Variants in LMO7 observed in about 807,000 individuals in gnomAD.
LMO7 encodes LIM domain only protein 7.
LMO7 carries 120 observed loss-of-function variants against 206.5 expected under a neutral mutation model. That is an observed-to-expected ratio of 0.58 (90% CI 0.50 to 0.68). LMO7 has a LOEUF of 0.68. Ranked by LOEUF, LMO7 falls within the 30% of genes least tolerant of loss-of-function variation. The probability of loss-of-function intolerance (pLI) is 0.00; values close to 1 mark genes in which losing one functional copy is unlikely to be tolerated. For synonymous variants in LMO7, 706 were observed against 681.5 expected (o/e 1.04, Z -0.56); for missense variants, 1,959 against 1,957.9 (o/e 1.00, Z -0.01).
chr13:75,706,218 G>A (rs1287741297), intron 1 of LMO7, among the ~76,000 whole-genome samples: 1 of 152,170 alleles, frequency 6.6e-6, no homozygotes, highest in East Asian at 1.9e-4. Context: ...TAATTCCAGT[G>A]CCCCTACTTG....
chr13:75,627,877 G>A (rs1386571001), intron 2 of LMO7: 2 of 151,576 alleles, frequency 1.3e-5, no homozygotes, highest in Admixed American at 6.6e-5. Context: ...ATTCTAGCTA[G>A]AATGGGGGAC....
In LMO7 at chr13:75,823,693, G is replaced by A. The variant is rs771392071; in HGVS notation, c.2769G>A (p.Glu923=). The A allele has an allele frequency of 6.2e-7, 1 of 1,614,164 alleles. No homozygotes were observed. Among genetic ancestry groups the A allele is most frequent in the Non-Finnish European group, 8.5e-7 (1 of 1,180,028 alleles). Residue 923 remains glutamate (E), a synonymous_variant, in exon 15 of 31, where the codon GAG becomes GAA. Coordinates refer to ENST00000377534, the MANE Select transcript of LMO7 (RefSeq NM_001306080.2). ...CTTCAAGCTTATCTAGCCAGAAAGA[G>A]GTAGCAGCAACAGAAGAAGATGTGA... The part of the protein sequence containing the change: ...QLASSLSSQK[E]VAATEEDVTR...
At chr13:75,838,262 T>C (rs1458865121) in intron 20 of LMO7, 66 bp downstream of exon 20, 23 of 1,512,048 alleles carry the variant, frequency 1.5e-5, no homozygotes, top group Non-Finnish European at 2.1e-5. Flanking sequence ...CTCTTCCTCA[T>C]GGTCTGTGGT....
intron 4 of LMO7, among the ~76,000 whole-genome samples, chr13:75,782,987 G>C (rs946924156): frequency 6.6e-6 from 1 of 152,040 alleles, no homozygotes; most frequent in African/African-American, 2.4e-5. Context: ...TGGGGAGTGG[G>C]GTCATTATTC....
At chr13:75,627,146 C>A (rs371087272) in intron 2 of LMO7, 1 of 152,118 alleles carries the variant, frequency 6.6e-6, no homozygotes, top group Non-Finnish European at 1.5e-5. Context: ...CTCCAACTTA[C>A]GATTTTTTGA....
chr13:75,693,096 A>G (rs1035116433), intron 1 of LMO7, among the ~76,000 whole-genome samples: 5 of 152,194 alleles, frequency 3.3e-5, no homozygotes, highest in African/African-American at 9.6e-5. Flanking sequence ...CACTGAAGCT[A>G]TAATTTTGGG....
chr13:75,748,312 T>G lies in LMO7; in HGVS notation c.211-12620T>G, dbSNP rs562892112. Among the ~76,000 whole-genome samples, 27 of 152,278 alleles carry G rather than the reference T, an allele frequency of 1.8e-4. No homozygotes were observed. In the South Asian group the frequency reaches 5.6e-3, roughly 32 times the overall value. On this transcript the variant is annotated intron_variant, in intron 3 of 30. Coordinates refer to ENST00000377534, the MANE Select transcript of LMO7 (RefSeq NM_001306080.2). ...AAATAATAGGAGACTAATACAGAGG[T>G]TAAGAGCACAGATTCAAGAATCTAA...
chr13:75,850,286 T>C (rs2016608753), intron 27 of LMO7, among the ~76,000 whole-genome samples: 1 of 152,232 alleles, frequency 6.6e-6, no homozygotes, highest in Non-Finnish European at 1.5e-5. Flanking sequence ...TTGACAATTG[T>C]ATATGGAAAT....
intron 27 of LMO7, among the ~76,000 whole-genome samples, chr13:75,851,471 G>A (rs796587555): frequency 3.9e-5 from 6 of 152,198 alleles, no homozygotes; most frequent in African/African-American, 1.4e-4. Context: ...CAGGTGAGTC[G>A]TGAGACAGGA....
intron 1 of LMO7, among the ~76,000 whole-genome samples, chr13:75,704,889 AAATG>A (rs1254488558): frequency 1.3e-5 from 2 of 152,276 alleles, no homozygotes; most frequent in Non-Finnish European, 2.9e-5. Context: ...TTTGCTTATG[AAATG>A]AATACACCTC....
chr13:75,847,195 G>C (rs2060074364), intron 26 of LMO7, among the ~76,000 whole-genome samples: 1 of 152,168 alleles, frequency 6.6e-6, no homozygotes, highest in Admixed American at 6.5e-5. Flanking sequence ...TGAAAGAATG[G>C]CAGTAGCAAT....
chr13:75,663,066 A>T (rs2038749566), intron 1 of LMO7, among the ~76,000 whole-genome samples: 3 of 152,084 alleles, frequency 2.0e-5, no homozygotes, highest in Admixed American at 1.3e-4. Flanking sequence ...TCCCAATATT[A>T]CTTATGGATT....
intron 3 of LMO7, among the ~76,000 whole-genome samples, chr13:75,738,247 C>A (rs1316796328): frequency 6.6e-6 from 1 of 152,218 alleles, no homozygotes; most frequent in Non-Finnish European, 1.5e-5. Flanking sequence ...TTTCTTACAT[C>A]CTTTGCTATA....
At chr13:75,705,054 T>A (rs1344436205) in intron 1 of LMO7, among the ~76,000 whole-genome samples, 1 of 152,234 alleles carries the variant, frequency 6.6e-6, no homozygotes, top group Non-Finnish European at 1.5e-5. Context: ...AAGACAGGTT[T>A]GGCAGAGGTG....
Position 75,825,190 on chromosome 13 carries a change from A to G in LMO7, c.2949+1317A>G, listed in dbSNP as rs11841775. 5.6e-3 allele frequency among the ~76,000 whole-genome samples: 846 copies of G among 152,220 alleles called. 7 individuals are homozygous for G. The highest frequency in any genetic ancestry group is 0.018 in the African/African-American group (750 of 41,452). On this transcript the variant is annotated intron_variant, in intron 15 of 30. Coordinates refer to ENST00000377534, the MANE Select transcript of LMO7 (RefSeq NM_001306080.2). The stretch of plus-strand genomic sequence containing the variant: ...TACATTTTTAAGGAATTGGAAATAT[A>G]TAATTAACATGCTAAGTCTCAGTGG...
chr13:75,800,937 G>C, intron 7 of LMO7, 55 bp downstream of exon 7: 3 of 1,536,326 alleles, frequency 2.0e-6, no homozygotes, highest in Non-Finnish European at 2.7e-6. Context: ...GGAGAACTGG[G>C]AACAGGAGAG....
intron 1 of LMO7, among the ~76,000 whole-genome samples, chr13:75,682,265 C>T (rs2040599130): frequency 6.6e-6 from 1 of 152,156 alleles, no homozygotes; most frequent in Non-Finnish European, 1.5e-5. Flanking sequence ...GTTGGAGCAC[C>T]TAGCATCCTC....
intron 3 of LMO7, among the ~76,000 whole-genome samples, chr13:75,733,696 C>A (rs1228466808): frequency 6.6e-6 from 1 of 152,228 alleles, no homozygotes; most frequent in Admixed American, 6.5e-5. Context: ...GATGGAAATG[C>A]AGACATCACC....
intron 3 of LMO7, among the ~76,000 whole-genome samples, chr13:75,733,903 T>C (rs2045540589): frequency 6.6e-6 from 1 of 152,254 alleles, no homozygotes; most frequent in African/African-American, 2.4e-5. Flanking sequence ...AGCTCAGCCC[T>C]GTGTGCGCTG....
Sources: allele counts gnomAD v4.1 joint callset (sites outside exome capture counted in the v4.1 genomes callset), GRCh38; gene constraint gnomAD v4.1.1; transcripts MANE v1.5; gene names NCBI Gene and HGNC (gene_info 2026-07-23, HGNC 2026-07-21).